PCDH9: variants seen among roughly 807,000 people sequenced by gnomAD.
PCDH9 encodes protocadherin 9.
A neutral mutation model predicts 70.6 loss-of-function variants in PCDH9; 24 were observed. That is an observed-to-expected ratio of 0.34 (90% CI 0.25 to 0.48). PCDH9 has a LOEUF of 0.48. Among genes scored for constraint, PCDH9 ranks in the 20% least tolerant of loss-of-function variants. The pLI is 0.99. For synonymous variants in PCDH9, 562 were observed against 558.5 expected (o/e 1.01, Z -0.09); for missense variants, 1,281 against 1,503.6 (o/e 0.85, Z 2.45).
chr13:66,598,304 A>G (rs73194762), intron 4 of PCDH9, among the ~76,000 whole-genome samples: 24,603 of 151,670 alleles, frequency 0.16, 2,160 homozygotes, highest in Middle Eastern at 0.23. Context: ...AAGATAACCT[A>G]ATTTTTTTCT....
intron 4 of PCDH9, among the ~76,000 whole-genome samples, chr13:66,360,441 T>C (rs1221715007): frequency 1.3e-5 from 2 of 152,048 alleles, no homozygotes; most frequent in Non-Finnish European, 2.9e-5. Flanking sequence ...GCCTATTCTC[T>C]ACTAAAACAA....
chr13:66,318,586 T>C (rs941556579), intron 4 of PCDH9, among the ~76,000 whole-genome samples: 1 of 152,184 alleles, frequency 6.6e-6, no homozygotes, highest in Admixed American at 6.5e-5. Flanking sequence ...GGAAAGCCTG[T>C]ATTACCCTCA....
At chr13:66,824,403 C>T (rs994949280) in intron 3 of PCDH9, among the ~76,000 whole-genome samples, 22 of 147,406 alleles carry the variant, frequency 1.5e-4, no homozygotes, top group Non-Finnish European at 2.5e-4. Flanking sequence ...TGCCTGTAAT[C>T]CCAGCACTTT....
In PCDH9 at chr13:66,864,551, C is replaced by A. The variant is rs375498285; in HGVS notation, c.3138+38953G>T. ...ATTACATCACTATCAAAACACATTT[C>A]AAAATGTATTTGGACATTTAGAATG... On this transcript the variant is annotated intron_variant, in intron 3 of 4. Transcript: ENST00000377865. Among the ~76,000 whole-genome samples, 15 of 152,284 alleles carry A rather than the reference C, an allele frequency of 9.9e-5. No individual in the cohort carries two copies. In the East Asian group the frequency reaches 2.7e-3, roughly 27 times the overall value.
intron 3 of PCDH9, among the ~76,000 whole-genome samples, chr13:66,652,780 C>T (rs1031724071): frequency 6.6e-6 from 1 of 152,008 alleles, no homozygotes; most frequent in Non-Finnish European, 1.5e-5. Context: ...AAAACAGGCA[C>T]ATTTACCAAT....
At chr13:67,179,972 A>G (rs1030223239) in intron 2 of PCDH9, among the ~76,000 whole-genome samples, 1 of 152,162 alleles carries the variant, frequency 6.6e-6, no homozygotes, top group Non-Finnish European at 1.5e-5. Flanking sequence ...TACCCAAGGT[A>G]ACTCCAACCT....
At chr13:67,006,529 C>T (rs189265350) in intron 2 of PCDH9, among the ~76,000 whole-genome samples, 3 of 152,136 alleles carry the variant, frequency 2.0e-5, no homozygotes, top group South Asian at 4.1e-4. Flanking sequence ...ATATCCCTGG[C>T]GATTTTCTGC....
chr13:66,412,116 G>T (rs1469421093), intron 4 of PCDH9, among the ~76,000 whole-genome samples: 1 of 152,074 alleles, frequency 6.6e-6, no homozygotes, highest in Non-Finnish European at 1.5e-5. Flanking sequence ...TTAATGTTTG[G>T]GACTTCATAA....
At chr13:66,822,912 T>C (rs1029463969) in intron 3 of PCDH9, among the ~76,000 whole-genome samples, 2 of 152,134 alleles carry the variant, frequency 1.3e-5, no homozygotes, top group Non-Finnish European at 2.9e-5. Context: ...TGGATAAATA[T>C]GCGGTATCAC....
intron 2 of PCDH9, among the ~76,000 whole-genome samples, chr13:66,920,065 T>C (rs1241222829): frequency 6.6e-6 from 1 of 150,938 alleles, no homozygotes. Flanking sequence ...CAGATACTGT[T>C]CCAAGAATAA....
chr13:66,527,583 T>C (rs1209502584), intron 4 of PCDH9, among the ~76,000 whole-genome samples: 1 of 152,140 alleles, frequency 6.6e-6, no homozygotes, highest in Admixed American at 6.6e-5. Context: ...TATTTTGTGC[T>C]AAAGAGTTCC....
At chr13:66,423,747 A>ATT (rs1265695832) in intron 4 of PCDH9, among the ~76,000 whole-genome samples, 2 of 152,220 alleles carry the variant, frequency 1.3e-5, no homozygotes, top group African/African-American at 4.8e-5. Flanking sequence ...AGCTGGAAGC[A>ATT]TTCCCTTTGA....
intron 3 of PCDH9, among the ~76,000 whole-genome samples, chr13:66,855,661 T>C (rs1000081075): frequency 6.6e-6 from 1 of 152,050 alleles, no homozygotes; most frequent in Admixed American, 6.6e-5. Flanking sequence ...TTGTCCTTAT[T>C]ATCCCAACTT....
intron 4 of PCDH9, among the ~76,000 whole-genome samples, chr13:66,505,738 C>A (rs1959205096): frequency 6.6e-6 from 1 of 152,130 alleles, no homozygotes; most frequent in Non-Finnish European, 1.5e-5. Context: ...CACTATGATT[C>A]AATTACCTCT....
intron 3 of PCDH9, among the ~76,000 whole-genome samples, chr13:66,636,907 T>G (rs550911696): frequency 6.6e-6 from 1 of 152,226 alleles, no homozygotes; most frequent in South Asian, 2.1e-4. Context: ...TTTTCTTTAT[T>G]TGAAATATTT....
At chr13:66,808,475 A>G (rs765493769) in intron 3 of PCDH9, among the ~76,000 whole-genome samples, 2 of 152,016 alleles carry the variant, frequency 1.3e-5, no homozygotes, top group Non-Finnish European at 1.5e-5. Context: ...GTAATAGGGC[A>G]ACTTGTTCCC....
At chr13:67,013,264 AACACACACACAC>A (rs111347560) in intron 2 of PCDH9, among the ~76,000 whole-genome samples, 25 of 144,384 alleles carry the variant, frequency 1.7e-4, no homozygotes, top group Non-Finnish European at 2.9e-4. Flanking sequence ...TTTTTAATGT[AACACACACACAC>A]ACACACACAC....
At chr13:66,755,163 G>A (rs9540898) in intron 3 of PCDH9, among the ~76,000 whole-genome samples, 77,106 of 151,234 alleles carry the variant, frequency 0.51, 21,865 homozygotes, top group Middle Eastern at 0.68. Context: ...TAGAGCTGCA[G>A]TATAAAAGAT....
At position 66,775,982 on chromosome 13, in the gene PCDH9, GC is replaced by G. The variant is rs769732800; in HGVS notation, c.3138+127521del. The stretch of plus-strand genomic sequence containing the variant: ...GGTGTTTCCATCCACCATGTTGGAG[GC>G]CCCATGCAACTGCTTCTGCTTTTGT... On this transcript the variant is annotated intron_variant, in intron 3 of 4. Transcript: ENST00000377865. Among the ~76,000 whole-genome samples, 9 of 152,086 alleles carry G rather than the reference GC, an allele frequency of 5.9e-5. 1 individual carries two copies. Among genetic ancestry groups the G allele is most frequent in the Non-Finnish European group, 1.0e-4 (7 of 68,026 alleles).
Sources: allele counts gnomAD v4.1 joint callset (sites outside exome capture counted in the v4.1 genomes callset), GRCh38; gene constraint gnomAD v4.1.1; transcripts MANE v1.5; gene names NCBI Gene and HGNC (gene_info 2026-07-23, HGNC 2026-07-21).